The following SLC35D4 variants were observed in gnomAD, a reference collection of about 807,000 sequenced individuals.
SLC35D4 encodes the protein solute carrier family 35 member D4.
At chr18:23,386,979 G>T in the SLC35D4 span, among the ~76,000 whole-genome samples, 1 of 152,022 alleles carries the variant, frequency 6.6e-6, no homozygotes, top group African/African-American at 2.4e-5. Flanking sequence ...GTGCCATCTC[G>T]GCTCACTGCA....
chr18:23,352,881 G>C, the SLC35D4 span, among the ~76,000 whole-genome samples: 4 of 152,232 alleles, frequency 2.6e-5, no homozygotes, highest in Non-Finnish European at 5.9e-5. Context: ...GAGAACCTGA[G>C]GAAGGGGCAG....
the SLC35D4 span, among the ~76,000 whole-genome samples, chr18:23,295,309 C>T: frequency 3.3e-5 from 5 of 151,542 alleles, no homozygotes; most frequent in Admixed American, 1.3e-4. Flanking sequence ...CAAACCACCA[C>T]GGCACACATT....
At chr18:23,363,187 G>A in the SLC35D4 span, among the ~76,000 whole-genome samples, 1 of 147,834 alleles carries the variant, frequency 6.8e-6, no homozygotes, top group African/African-American at 2.5e-5. Flanking sequence ...AGAGGTTGCA[G>A]TGAGCCGAGA....
chr18:23,249,523 G>A, the SLC35D4 span, among the ~76,000 whole-genome samples: 1 of 152,222 alleles, frequency 6.6e-6, no homozygotes, highest in Admixed American at 6.5e-5. Flanking sequence ...CTGTGACTCA[G>A]TGGGGCTGGA....
the SLC35D4 span, among the ~76,000 whole-genome samples, chr18:23,336,163 T>C: frequency 6.6e-6 from 1 of 152,166 alleles, no homozygotes; most frequent in Non-Finnish European, 1.5e-5. Context: ...GGAAATGGAA[T>C]TTAAAAATTT....
chr18:23,242,240 T>C, the SLC35D4 span, among the ~76,000 whole-genome samples: 1 of 152,072 alleles, frequency 6.6e-6, no homozygotes, highest in African/African-American at 2.4e-5. Context: ...ATCACACTAT[T>C]GCACTCCAGC....
At chr18:23,363,500 G>A in the SLC35D4 span, among the ~76,000 whole-genome samples, 284 of 143,712 alleles carry the variant, frequency 2.0e-3, 3 homozygotes, top group African/African-American at 6.7e-3. Flanking sequence ...TCAGCCTCCC[G>A]AGTAGCTGGG....
the SLC35D4 span, among the ~76,000 whole-genome samples, chr18:23,407,425 A>C: frequency 1.3e-5 from 2 of 152,188 alleles, no homozygotes; most frequent in Non-Finnish European, 2.9e-5. Context: ...AAAATTAACA[A>C]ACCAGGAAAA....
the SLC35D4 span, among the ~76,000 whole-genome samples, chr18:23,344,600 C>CTTT: frequency 4.8e-5 from 6 of 126,090 alleles, no homozygotes; most frequent in Non-Finnish European, 6.6e-5. Context: ...TTTTTTTCTT[C>CTTT]TTTTTTTTTT....
the SLC35D4 span, among the ~76,000 whole-genome samples, chr18:23,277,140 A>G: frequency 2.6e-5 from 4 of 152,144 alleles, no homozygotes; most frequent in Non-Finnish European, 5.9e-5. Context: ...GGATGGTAAT[A>G]CAGTTTGGCT....
chr18:23,329,175 G>A, the SLC35D4 span, among the ~76,000 whole-genome samples: 1 of 152,138 alleles, frequency 6.6e-6, no homozygotes, highest in Non-Finnish European at 1.5e-5. Flanking sequence ...AACACCACAA[G>A]CAATGGCAGC....
the SLC35D4 span, among the ~76,000 whole-genome samples, chr18:23,304,846 T>C: frequency 6.6e-6 from 1 of 152,202 alleles, no homozygotes; most frequent in Non-Finnish European, 1.5e-5. Flanking sequence ...GCTAAGCCTC[T>C]TCCTCTGCAT....
the SLC35D4 span, among the ~76,000 whole-genome samples, chr18:23,303,002 T>C: frequency 7.0e-3 from 1,070 of 152,340 alleles, 15 homozygotes; most frequent in African/African-American, 0.025. Context: ...ATAGTAACTA[T>C]ACCAGCACAC....
At chr18:23,341,105 C>T in the SLC35D4 span, among the ~76,000 whole-genome samples, 1 of 152,194 alleles carries the variant, frequency 6.6e-6, no homozygotes, top group Non-Finnish European at 1.5e-5. Flanking sequence ...TGCTTTACAT[C>T]ATATGTGAGA....
At chr18:23,389,183 T>A in the SLC35D4 span, among the ~76,000 whole-genome samples, 2 of 152,034 alleles carry the variant, frequency 1.3e-5, no homozygotes, top group Non-Finnish European at 2.9e-5. Context: ...GAGACGAGGT[T>A]TCACCATGTT....
chr18:23,436,033 C>CTT, the SLC35D4 span, among the ~76,000 whole-genome samples: 1 of 96,236 alleles, frequency 1.0e-5, no homozygotes, highest in African/African-American at 4.1e-5. Context: ...AACACTTTCT[C>CTT]TTTTTTTTTT....
At chr18:23,292,796 C>A in the SLC35D4 span, among the ~76,000 whole-genome samples, 3 of 152,162 alleles carry the variant, frequency 2.0e-5, no homozygotes, top group African/African-American at 7.2e-5. Context: ...GACAGGGAGC[C>A]TGGAGAGTAC....
At chr18:23,432,537 C>A in the SLC35D4 span, among the ~76,000 whole-genome samples, 1 of 151,820 alleles carries the variant, frequency 6.6e-6, no homozygotes, top group African/African-American at 2.4e-5. Flanking sequence ...AAAAATTAGC[C>A]GGGCGTGGTG....
At chr18:23,408,250 A>G in the SLC35D4 span, among the ~76,000 whole-genome samples, 1 of 152,066 alleles carries the variant, frequency 6.6e-6, no homozygotes, top group South Asian at 2.1e-4. Flanking sequence ...TTACATTTTC[A>G]TGTGTTTATT....
Sources: gnomAD v4.1 joint callset for allele counts (sites outside exome capture counted in the v4.1 genomes callset) on GRCh38, gnomAD v4.1.1 for gene constraint, MANE v1.5 for transcripts, NCBI Gene and HGNC (gene_info 2026-07-23, HGNC 2026-07-21) for gene names.